The following TACR3 variants were observed in gnomAD, a reference collection of about 807,000 sequenced individuals.
TACR3 encodes the protein tachykinin receptor 3, also known as neuromedin-K receptor.
Under a neutral mutation model 35.0 loss-of-function variants are expected in TACR3, and 34 were observed. The observed-to-expected ratio is 0.97, with a 90% CI of 0.74 to 1.30. The LOEUF (loss-of-function observed/expected upper bound fraction) is 1.30. TACR3 is among the 50% of genes most tolerant of loss of function. The pLI is 0.00. For missense variants in TACR3, 558 were observed against 591.7 expected (o/e 0.94, Z 0.59); for synonymous variants, 233 against 221.1 (o/e 1.05, Z -0.48).
intron 3 of TACR3, among the ~76,000 whole-genome samples, chr4:103,655,736 G>C (rs1725719417): frequency 6.6e-6 from 1 of 152,016 alleles, no homozygotes; most frequent in Admixed American, 6.6e-5. Flanking sequence ...AATAAAAAGA[G>C]ACGAGGGGAT....
At chr4:103,621,158 T>G (rs1724770016) in intron 3 of TACR3, among the ~76,000 whole-genome samples, 1 of 152,120 alleles carries the variant, frequency 6.6e-6, no homozygotes, top group Non-Finnish European at 1.5e-5. Flanking sequence ...TATTGAAGAG[T>G]CCTTCTAGAA....
At chr4:103,660,807 CTT>C (rs1323905978) in intron 1 of TACR3, among the ~76,000 whole-genome samples, 1 of 151,864 alleles carries the variant, frequency 6.6e-6, no homozygotes, top group African/African-American at 2.4e-5. Flanking sequence ...AAATAGGAGA[CTT>C]TAAAATTCAA....
chr4:103,608,233 A>C (rs1337935821), intron 3 of TACR3, among the ~76,000 whole-genome samples: 1 of 152,142 alleles, frequency 6.6e-6, no homozygotes, highest in Non-Finnish European at 1.5e-5. Context: ...TAGCCATAAA[A>C]GTATAAAATC....
At chr4:103,615,061 A>AT (rs1343165949) in intron 3 of TACR3, among the ~76,000 whole-genome samples, 9 of 151,246 alleles carry the variant, frequency 6.0e-5, no homozygotes, top group South Asian at 2.1e-4. Flanking sequence ...CGCCTGGCTA[A>AT]TTTTTTTGTA....
At chr4:103,603,594 C>T (rs1724265672) in intron 3 of TACR3, among the ~76,000 whole-genome samples, 1 of 152,124 alleles carries the variant, frequency 6.6e-6, no homozygotes, top group Non-Finnish European at 1.5e-5. Flanking sequence ...TGGGTTGGTT[C>T]CAAGACTTTG....
At chr4:103,652,478 A>G (rs1489795523) in intron 3 of TACR3, among the ~76,000 whole-genome samples, 1 of 152,076 alleles carries the variant, frequency 6.6e-6, no homozygotes, top group Non-Finnish European at 1.5e-5. Context: ...GCAATTCAAG[A>G]CTGTCTTTAC....
chr4:103,693,293 A>G (rs1229041229), intron 1 of TACR3, among the ~76,000 whole-genome samples: 1 of 152,188 alleles, frequency 6.6e-6, no homozygotes, highest in African/African-American at 2.4e-5. Flanking sequence ...CTGTATTGTT[A>G]AAAATTTGCA....
chr4:103,617,288 G>T (rs1724680491), intron 3 of TACR3, among the ~76,000 whole-genome samples: 1 of 152,078 alleles, frequency 6.6e-6, no homozygotes, highest in African/African-American at 2.4e-5. Flanking sequence ...TTTCAGGAGA[G>T]ATATAAAAAG....
chr4:103,714,205 A>G (rs1198316708), intron 1 of TACR3, among the ~76,000 whole-genome samples: 1 of 152,110 alleles, frequency 6.6e-6, no homozygotes, highest in African/African-American at 2.4e-5. Context: ...CCTGTTAAAT[A>G]TGCCATAAAT....
intron 3 of TACR3, among the ~76,000 whole-genome samples, chr4:103,627,743 A>C (rs1724937825): frequency 6.6e-6 from 1 of 152,148 alleles, no homozygotes; most frequent in Non-Finnish European, 1.5e-5. Flanking sequence ...AACAAGACAG[A>C]AGGTTAACAA....
chr4:103,589,762 A>G lies in TACR3; in HGVS notation c.1318T>C (p.Ser440Pro). The G allele has an allele frequency of 6.2e-7, 1 of 1,613,980 alleles. No individual in the cohort carries two copies. Among genetic ancestry groups the G allele is most frequent in the Non-Finnish European group, 8.5e-7 (1 of 1,179,894 alleles). ...GAGGCAGATTTGGAATTCCTGCGAG[A>G]GCAGCCATTGAAACTTGGGTCTCTT... The part of the protein sequence containing the change: ...TPRDPSFNGC[S>P]RRNSKSASAT... Residue 440 changes from serine (S) to proline (P), a missense_variant, in exon 5 of 5, where the codon TCT (serine) becomes CCT (proline). Coordinates refer to ENST00000304883, the MANE Select transcript of TACR3 (RefSeq NM_001059.3).
At chr4:103,640,726 C>A (rs894070224) in intron 3 of TACR3, among the ~76,000 whole-genome samples, 2 of 151,444 alleles carry the variant, frequency 1.3e-5, no homozygotes, top group Admixed American at 1.3e-4. Context: ...TTTTGTAAAA[C>A]GTTATGAGAT....
At chr4:103,652,024 T>G (rs1431209132) in intron 3 of TACR3, among the ~76,000 whole-genome samples, 2 of 152,000 alleles carry the variant, frequency 1.3e-5, no homozygotes, top group South Asian at 2.1e-4. Context: ...GCCAGTTCCT[T>G]TTGAACCCAT....
chr4:103,682,912 A>G (rs908394334), intron 1 of TACR3, among the ~76,000 whole-genome samples: 2 of 152,180 alleles, frequency 1.3e-5, no homozygotes, highest in African/African-American at 4.8e-5. Flanking sequence ...GAGAAAATCT[A>G]GAGCTAACCG....
At chr4:103,690,682 G>T (rs1180100080) in intron 1 of TACR3, among the ~76,000 whole-genome samples, 2 of 152,048 alleles carry the variant, frequency 1.3e-5, no homozygotes, top group Non-Finnish European at 2.9e-5. Context: ...ACATATTCTT[G>T]TCAAGGGAAT....
At chr4:103,612,543 C>T (rs906843523) in intron 3 of TACR3, among the ~76,000 whole-genome samples, 23 of 151,836 alleles carry the variant, frequency 1.5e-4, no homozygotes, top group Middle Eastern at 3.4e-3. Context: ...GAGACAGCCT[C>T]GCTCTGTCAC....
At chr4:103,598,453 A>T (rs1192638568) in intron 3 of TACR3, among the ~76,000 whole-genome samples, 3 of 152,072 alleles carry the variant, frequency 2.0e-5, no homozygotes, top group South Asian at 2.1e-4. Context: ...AGCTCTTTAG[A>T]TTACTTAGAT....
At chr4:103,610,886 T>A (rs1052953913) in intron 3 of TACR3, among the ~76,000 whole-genome samples, 1 of 152,194 alleles carries the variant, frequency 6.6e-6, no homozygotes, top group Non-Finnish European at 1.5e-5. Context: ...GGCTTGTCCT[T>A]TCCCCAATGT....
chr4:103,701,538 G>A (rs1380830917), intron 1 of TACR3, among the ~76,000 whole-genome samples: 1 of 152,068 alleles, frequency 6.6e-6, no homozygotes, highest in Non-Finnish European at 1.5e-5. Flanking sequence ...TCACAGAATT[G>A]GAATAAACTA....
Sources: allele counts gnomAD v4.1 joint callset (sites outside exome capture counted in the v4.1 genomes callset), GRCh38; gene constraint gnomAD v4.1.1; transcripts MANE v1.5; gene names NCBI Gene and HGNC (gene_info 2026-07-23, HGNC 2026-07-21).